The following SLC25A12 variants were observed in gnomAD, a reference collection of about 807,000 sequenced individuals.
SLC25A12 encodes the protein electrogenic aspartate/glutamate antiporter SLC25A12, mitochondrial.
A neutral mutation model predicts 83.3 loss-of-function variants in SLC25A12; 32 were observed. The ratio of observed to expected loss-of-function variants is 0.38; its 90% CI spans 0.29 to 0.52. The LOEUF (loss-of-function observed/expected upper bound fraction) is 0.52. SLC25A12 is among the 20% of genes least tolerant of loss of function. The pLI is 0.84. For synonymous variants in SLC25A12, 267 were observed against 291.1 expected (o/e 0.92, Z 0.84); for missense variants, 611 against 835.6 (o/e 0.73, Z 3.31).
chr2:171,844,186 G>GT (rs1684744435), intron 5 of SLC25A12, among the ~76,000 whole-genome samples, 183 bp downstream of exon 5: 1 of 152,204 alleles, frequency 6.6e-6, no homozygotes. Context: ...ATAAATGGAA[G>GT]TAAACACTGA....
chr2:171,785,148 T>C lies in SLC25A12; in HGVS notation c.*126A>G, dbSNP rs1366081524. The C allele has an allele frequency of 6.0e-6, 5 of 834,566 alleles. No individual in the cohort carries two copies. The highest frequency in any genetic ancestry group is 1.7e-5 in the African/African-American group (1 of 59,416). The allele number at this position is 834,566 out of a possible 1,614,324, so 51.7% of individuals were successfully genotyped here. On this transcript the variant is annotated 3_prime_UTR_variant, in exon 18 of 18. Coordinates refer to ENST00000422440, the MANE Select transcript of SLC25A12 (RefSeq NM_003705.5). ...TATAAACAAGTATATGTATATGTCA[T>C]ACAGAAAGAAGAGTTTGACTCCTCA...
intron 3 of SLC25A12, among the ~76,000 whole-genome samples, chr2:171,861,286 C>A (rs1685154436): frequency 6.6e-6 from 1 of 151,940 alleles, no homozygotes; most frequent in Non-Finnish European, 1.5e-5. Context: ...CTCTCTGATA[C>A]TCTCCTCTAT....
intron 4 of SLC25A12, 103 bp from the exon 5 acceptor site, chr2:171,844,611 A>G (rs1014214998): frequency 2.2e-5 from 18 of 800,144 alleles, no homozygotes; most frequent in Non-Finnish European, 3.5e-5. Flanking sequence ...TTAAAAGTCA[A>G]TATCATCTGC....
In SLC25A12 at chr2:171,817,473, G is replaced by C. The variant is rs559873158; in HGVS notation, c.931-2271C>G. Among the ~76,000 whole-genome samples the C allele has an allele frequency of 1.3e-4, 20 of 151,696 alleles. 1 individual carries two copies. The South Asian group carries it at 4.2e-3, about 32-fold the overall frequency. The stretch of plus-strand genomic sequence containing the variant: ...AAAAATTAGTCAGGTATAGTGGCAG[G>C]TGCCTATAATCCCAGCTACTTGGGA... On this transcript the variant is annotated intron_variant, in intron 9 of 17. Transcript: ENST00000422440.
At chr2:171,815,320 G>A (rs1338220262) in intron 9 of SLC25A12, 118 bp from the exon 10 acceptor site, 1 of 711,494 alleles carries the variant, frequency 1.4e-6, no homozygotes, top group East Asian at 2.7e-5. Flanking sequence ...TATTGTTAAT[G>A]CAGTAATATC....
chr2:171,857,996 A>C (rs1685081102), intron 3 of SLC25A12, among the ~76,000 whole-genome samples: 1 of 152,180 alleles, frequency 6.6e-6, no homozygotes, highest in Non-Finnish European at 1.5e-5. Context: ...TATTATACTC[A>C]AGGTTATAAA....
At chr2:171,851,569 C>T (rs902170282) in intron 4 of SLC25A12, among the ~76,000 whole-genome samples, 16 of 151,668 alleles carry the variant, frequency 1.1e-4, no homozygotes, top group Admixed American at 3.9e-4. Flanking sequence ...GGTTTCACTC[C>T]GGTTACCCAG....
intron 13 of SLC25A12, among the ~76,000 whole-genome samples, chr2:171,806,562 C>A (rs1426935021): frequency 6.6e-6 from 1 of 152,182 alleles, no homozygotes; most frequent in Non-Finnish European, 1.5e-5. Context: ...TAGGTCACTT[C>A]ATGATCTAGT....
chr2:171,887,438 A>G (rs1472172168), intron 2 of SLC25A12, among the ~76,000 whole-genome samples: 1 of 152,258 alleles, frequency 6.6e-6, no homozygotes, highest in Non-Finnish European at 1.5e-5. Context: ...TTACTATACA[A>G]CACACCAGCA....
intron 9 of SLC25A12, among the ~76,000 whole-genome samples, chr2:171,816,572 T>C (rs1239823101): frequency 2.0e-5 from 3 of 152,156 alleles, no homozygotes; most frequent in Non-Finnish European, 2.9e-5. Flanking sequence ...ATTTTTTTAT[T>C]GTTGTAGTGT....
At position 171,815,221 on chromosome 2, in the gene SLC25A12, GT is replaced by G; in HGVS notation, c.931-20del. ...GAGACTGCTGCAGAGAAGAAAACGG[GT>G]AAAAAAAAATCTTGAAAGCGCACAC... On this transcript the variant is annotated intron_variant, in intron 9 of 17. Transcript: ENST00000422440. 2 of 1,589,868 alleles carry G rather than the reference GT, an allele frequency of 1.3e-6. No homozygotes were observed. Among genetic ancestry groups the G allele is most frequent in the Non-Finnish European group, 1.7e-6 (2 of 1,158,670 alleles).
In SLC25A12 at chr2:171,784,998, AGTGCAAGCT is replaced by A; in HGVS notation, c.*267_*275del. ...ATGTACAATATGTACAATCACTGTA[AGTGCAAGCT>A]GTGCAAAGCAGAGTCTAGAACACTA... is the stretch of plus-strand genomic sequence containing the variant. On this transcript the variant is annotated 3_prime_UTR_variant, in exon 18 of 18. Transcript: ENST00000422440. The A allele has an allele frequency of 2.4e-6, 1 of 409,900 alleles. No individual in the cohort carries two copies. The allele number at this position is 409,900 out of a possible 1,614,324, so 25.4% of individuals were successfully genotyped here. A position where few individuals can be genotyped will look rare whatever the true frequency, so the allele number is the denominator to read the frequency against.
chr2:171,851,571 G>T (rs1277326782), intron 4 of SLC25A12, among the ~76,000 whole-genome samples: 2 of 150,362 alleles, frequency 1.3e-5, no homozygotes, highest in Non-Finnish European at 3.0e-5. Flanking sequence ...TTTCACTCCG[G>T]TTACCCAGGC....
chr2:171,820,650 C>T (rs918205721), intron 9 of SLC25A12, among the ~76,000 whole-genome samples: 3 of 142,322 alleles, frequency 2.1e-5, no homozygotes, highest in African/African-American at 5.0e-5. Context: ...ATGGCGTGAA[C>T]CCGGGAGGCG....
At chr2:171,860,545 TGAGCC>T (rs1302450655) in intron 3 of SLC25A12, among the ~76,000 whole-genome samples, 2 of 152,050 alleles carry the variant, frequency 1.3e-5, no homozygotes, top group Non-Finnish European at 2.9e-5. Flanking sequence ...GAGGTTGCAG[TGAGCC>T]GAGATCGGGC....
Position 171,859,494 on chromosome 2 carries a change from C to T in SLC25A12, c.210-3545G>A, listed in dbSNP as rs532764553. 3.3e-5 allele frequency among the ~76,000 whole-genome samples: 5 copies of T among 152,266 alleles called. No homozygotes were observed. In the South Asian group the frequency reaches 1.0e-3, roughly 32 times the overall value. On this transcript the variant is annotated intron_variant, in intron 3 of 17. Transcript: ENST00000422440. ...CTCTAAAAAATAAATCAACTGAGTA[C>T]ATTATTCAGCCTTAAAAAGGAATGA... is the stretch of plus-strand genomic sequence containing the variant.
At chr2:171,855,256 T>C (rs1685021049) in intron 4 of SLC25A12, among the ~76,000 whole-genome samples, 1 of 152,196 alleles carries the variant, frequency 6.6e-6, no homozygotes, top group African/African-American at 2.4e-5. Flanking sequence ...ACATCAACAG[T>C]GTGTTAGATT....
chr2:171,793,592 T>C, intron 14 of SLC25A12, 35 bp downstream of exon 14: 3 of 1,606,642 alleles, frequency 1.9e-6, no homozygotes, highest in Non-Finnish European at 1.7e-6. Context: ...TTCTTTCATA[T>C]TTTATTGAGT....
At chr2:171,842,542 T>A (rs1464392776) in intron 5 of SLC25A12, among the ~76,000 whole-genome samples, 1 of 151,984 alleles carries the variant, frequency 6.6e-6, no homozygotes, top group Non-Finnish European at 1.5e-5. Context: ...TGCAGTGAGC[T>A]GAGATCACGC....
Sources: gnomAD v4.1 joint callset for allele counts (sites outside exome capture counted in the v4.1 genomes callset) on GRCh38, gnomAD v4.1.1 for gene constraint, MANE v1.5 for transcripts, NCBI Gene and HGNC (gene_info 2026-07-23, HGNC 2026-07-21) for gene names.